RASSF3: variants seen among roughly 807,000 people sequenced by gnomAD.
RASSF3 encodes the protein Ras association domain family member 3.
RASSF3 carries 19 observed loss-of-function variants against 19.9 expected under a neutral mutation model. The ratio of observed to expected loss-of-function variants is 0.96; its 90% CI spans 0.67 to 1.40. The LOEUF (loss-of-function observed/expected upper bound fraction) is 1.40, where lower values mean the gene tolerates loss of function less well. Ranked by LOEUF, RASSF3 falls within the 40% of genes most tolerant of loss-of-function variation. RASSF3 has a pLI of 0.00. For missense variants in RASSF3, 306 were observed against 289.8 expected, an observed-to-expected ratio of 1.06 and a Z score of -0.41; for synonymous variants, 110 against 104.2, an observed-to-expected ratio of 1.06 and a Z score of -0.34.
intron 1 of RASSF3, among the ~76,000 whole-genome samples, chr12:64,619,148 C>A (rs1303190816): frequency 6.6e-6 from 1 of 152,082 alleles, no homozygotes; most frequent in African/African-American, 2.4e-5. Flanking sequence ...AGGTTTGAAT[C>A]TCCATTGTCT....
At chr12:64,605,318 A>AT (rs961405515) in intron 2 of RASSF3, among the ~76,000 whole-genome samples, 10 of 150,410 alleles carry the variant, frequency 6.6e-5, no homozygotes, top group East Asian at 2.0e-4. Flanking sequence ...TTTAGAACAT[A>AT]TTTTTTTTCC....
chr12:64,522,998 G>A (rs886675599), intron 1 of RASSF3, among the ~76,000 whole-genome samples: 2 of 152,224 alleles, frequency 1.3e-5, no homozygotes, highest in Admixed American at 6.5e-5. Flanking sequence ...GCACAGGGCC[G>A]GAGGGGTGGG....
At chr12:64,529,900 T>C (rs916249957), upstream of RASSF3, among the ~76,000 whole-genome samples, 7 of 152,220 alleles carry the variant, frequency 4.6e-5, no homozygotes, top group African/African-American at 1.7e-4. Flanking sequence ...TCATATTTTG[T>C]GACAATCGAG....
intron 2 of RASSF3, among the ~76,000 whole-genome samples, chr12:64,593,293 C>T (rs1869951851): frequency 6.6e-6 from 1 of 152,236 alleles, no homozygotes. Context: ...GCTATCTCAG[C>T]TCACTGCAAC....
intron 2 of RASSF3, among the ~76,000 whole-genome samples, chr12:64,685,101 G>C (rs1195334616): frequency 6.6e-6 from 1 of 152,032 alleles, no homozygotes; most frequent in Non-Finnish European, 1.5e-5. Context: ...TCAGTTGCTG[G>C]GTTAACCTTA....
intron 2 of RASSF3, among the ~76,000 whole-genome samples, chr12:64,566,959 G>T (rs1869442732): frequency 6.6e-6 from 1 of 152,200 alleles, no homozygotes; most frequent in Admixed American, 6.5e-5. Context: ...TGTGGGCAAG[G>T]CTGAGACCTT....
intron 2 of RASSF3, among the ~76,000 whole-genome samples, chr12:64,568,126 G>A (rs1374534347): frequency 2.6e-5 from 4 of 152,150 alleles, no homozygotes; most frequent in Non-Finnish European, 4.4e-5. Context: ...CTGCCTCCTG[G>A]CTTCAAGTGA....
At chr12:64,647,164 C>T (rs1871764046) in intron 1 of RASSF3, among the ~76,000 whole-genome samples, 2 of 152,194 alleles carry the variant, frequency 1.3e-5, no homozygotes, top group Admixed American at 1.3e-4. Context: ...CTGAGAATCC[C>T]TCCACCTCCT....
chr12:64,605,442 T>C (rs922905553), intron 2 of RASSF3, among the ~76,000 whole-genome samples: 1 of 152,186 alleles, frequency 6.6e-6, no homozygotes, highest in Non-Finnish European at 1.5e-5. Context: ...TTAAAAACTC[T>C]TACTTCTTTT....
At chr12:64,657,514 C>G (rs1872202525) in intron 1 of RASSF3, among the ~76,000 whole-genome samples, 1 of 152,052 alleles carries the variant, frequency 6.6e-6, no homozygotes, top group Non-Finnish European at 1.5e-5. Context: ...AGGGTGGGAC[C>G]AGGGTATTTG....
At chr12:64,659,190 G>A (rs573013829) in intron 1 of RASSF3, among the ~76,000 whole-genome samples, 11 of 152,328 alleles carry the variant, frequency 7.2e-5, no homozygotes, top group African/African-American at 2.6e-4. Flanking sequence ...CTCAGAGGCA[G>A]CCTTCATCTG....
intron 4 of RASSF3, 31 bp from the exon 5 acceptor site, chr12:64,694,732 C>G (rs961834403): frequency 6.2e-7 from 1 of 1,612,860 alleles, no homozygotes; most frequent in African/African-American, 1.3e-5. Flanking sequence ...TATTAAACAT[C>G]TGGCATTTTT....
In RASSF3 at chr12:64,688,346, G is replaced by C; in HGVS notation, c.350G>C (p.Ser117Thr). Residue 117 changes from serine (S) to threonine (T), a missense_variant, in exon 3 of 5, where the codon AGC becomes ACC. Coordinates refer to ENST00000542104, the MANE Select transcript of RASSF3 (RefSeq NM_178169.4). ...NGCMNTLHIS[S>T]TNTVGEVIEA... is the part of the protein sequence containing the mutation. ...TGTATGAATACACTTCATATCAGCAGCACAAACACTGTCGGGGAAGTGATC... is the reference window on the plus strand; with the variant it reads ...TGTATGAATACACTTCATATCAGCACCACAAACACTGTCGGGGAAGTGATC... 6.2e-7 allele frequency: 1 copy of C among 1,614,186 alleles called. No homozygotes were observed. The highest frequency in any genetic ancestry group is 8.5e-7 in the Non-Finnish European group (1 of 1,180,018).
intron 2 of RASSF3, among the ~76,000 whole-genome samples, chr12:64,548,447 C>T (rs959412353): frequency 1.3e-5 from 2 of 152,162 alleles, no homozygotes; most frequent in Non-Finnish European, 2.9e-5. Flanking sequence ...GCCTTGGCCT[C>T]CCAAAGTGCC....
At chr12:64,525,955 G>A (rs956960671) in intron 1 of RASSF3, among the ~76,000 whole-genome samples, 1 of 152,136 alleles carries the variant, frequency 6.6e-6, no homozygotes, top group African/African-American at 2.4e-5. Context: ...GACAAGCCAG[G>A]TGAACAGGGA....
chr12:64,581,912 G>A (rs982367465), intron 2 of RASSF3, among the ~76,000 whole-genome samples: 4 of 150,994 alleles, frequency 2.6e-5, no homozygotes, highest in African/African-American at 9.8e-5. Context: ...CTGGTGTTCA[G>A]GCTGGAGTGC....
intron 1 of RASSF3, among the ~76,000 whole-genome samples, chr12:64,643,674 C>G (rs1468756960): frequency 6.6e-6 from 1 of 152,014 alleles, no homozygotes; most frequent in African/African-American, 2.4e-5. Context: ...GGTGATAGGA[C>G]AATCTCTTTT....
chr12:64,567,515 A>G (rs1869450487), intron 2 of RASSF3, among the ~76,000 whole-genome samples: 1 of 152,090 alleles, frequency 6.6e-6, no homozygotes, highest in Non-Finnish European at 1.5e-5. Flanking sequence ...CACAATCGTT[A>G]TTCTCTCTCC....
chr12:64,680,477 A>AATATTTGT (rs1873082337), intron 1 of RASSF3, among the ~76,000 whole-genome samples: 1 of 152,064 alleles, frequency 6.6e-6, no homozygotes, highest in South Asian at 2.1e-4. Flanking sequence ...GGCACATGGC[A>AATATTTGT]GAAGCTCAGC....
Sources: allele counts gnomAD v4.1 joint callset (sites outside exome capture counted in the v4.1 genomes callset), GRCh38; gene constraint gnomAD v4.1.1; transcripts MANE v1.5; gene names NCBI Gene and HGNC (gene_info 2026-07-23, HGNC 2026-07-21).